The following PMEPA1 variants were observed in gnomAD, a reference collection of about 807,000 sequenced individuals.
The protein encoded by PMEPA1 is prostate transmembrane protein, androgen induced 1.
A neutral mutation model predicts 23.0 loss-of-function variants in PMEPA1; 11 were observed. The ratio of observed to expected loss-of-function variants is 0.48; its 90% CI spans 0.30 to 0.79. The LOEUF is 0.79. Among genes scored for constraint, PMEPA1 ranks in the 30% least tolerant of loss-of-function variants. The probability of loss-of-function intolerance (pLI) is 0.06; values close to 1 mark genes in which losing one functional copy is unlikely to be tolerated. For missense variants in PMEPA1, 377 were observed against 390.9 expected, an observed-to-expected ratio of 0.96 and a Z score of 0.30; for synonymous variants, 204 against 166.4, an observed-to-expected ratio of 1.23 and a Z score of -1.74.
chr20:57,685,206 C>T (rs532823792), intron 1 of PMEPA1, among the ~76,000 whole-genome samples: 48 of 152,270 alleles, frequency 3.2e-4, no homozygotes, highest in South Asian at 2.5e-3. Flanking sequence ...AGTCACTCTC[C>T]TCGCCAGGGT....
Position 57,683,063 on chromosome 20 carries a change from C to T in PMEPA1, c.110-23366G>A, listed in dbSNP as rs1253923002. Among the ~76,000 whole-genome samples the T allele has an allele frequency of 2.6e-5, 4 of 152,204 alleles. No homozygotes were observed. Among genetic ancestry groups the T allele is most frequent in the Admixed American group, 6.5e-5 (1 of 15,280 alleles). On this transcript the variant is annotated intron_variant, in intron 1 of 3. Transcript: ENST00000341744. This position sits in a 1 kb window ranked among gnomAD's most constrained non-coding sequence, Gnocchi z 4.3. ...AGACCTTTTTCAATGTCATCTCTCACGCCGCAGTCTCCGGGGGCATTTACG... is the reference window on the plus strand; with the variant it reads ...AGACCTTTTTCAATGTCATCTCTCATGCCGCAGTCTCCGGGGGCATTTACG...
intron 1 of PMEPA1, among the ~76,000 whole-genome samples, chr20:57,692,762 T>C (rs758948840): frequency 2.0e-5 from 3 of 152,178 alleles, no homozygotes; most frequent in Non-Finnish European, 2.9e-5. Context: ...ATACTCTTCA[T>C]TGTGGAAAGA....
intron 1 of PMEPA1, among the ~76,000 whole-genome samples, chr20:57,698,745 T>C (rs1284009986): frequency 6.6e-6 from 1 of 152,218 alleles, no homozygotes; most frequent in Non-Finnish European, 1.5e-5. Context: ...CGGCTTCACT[T>C]TCCACCTTCT....
chr20:57,672,626 G>T (rs1455759189), intron 1 of PMEPA1, among the ~76,000 whole-genome samples: 1 of 152,174 alleles, frequency 6.6e-6, no homozygotes. Context: ...AGCAAGAGGG[G>T]CCCAGCTATT....
chr20:57,710,650 C>A, upstream of PMEPA1: 1 of 552,492 alleles, frequency 1.8e-6, no homozygotes, highest in South Asian at 2.7e-5. Flanking sequence ...ATTGTCGCCG[C>A]CCCAGCCGGC....
In PMEPA1 at chr20:57,652,023, C is replaced by T. The variant is rs201645714; in HGVS notation, c.*30G>A. On this transcript the variant is annotated 3_prime_UTR_variant, in exon 4 of 4. Coordinates refer to ENST00000341744, the MANE Select transcript of PMEPA1 (RefSeq NM_020182.5). This position sits in a 1 kb window ranked among gnomAD's most constrained non-coding sequence, Gnocchi z 6.1. ...GCGGAGTGTTCTGCCTTTTCACCTACGCAGCCCCAGCCCGGCCCCCCTGGG... is the reference window on the plus strand; with the variant it reads ...GCGGAGTGTTCTGCCTTTTCACCTATGCAGCCCCAGCCCGGCCCCCCTGGG... 2.7e-4 allele frequency: 395 copies of T among 1,449,494 alleles called. 1 individual carries two copies. Among genetic ancestry groups the T allele is most frequent in the Non-Finnish European group, 6.4e-5 (70 of 1,095,704 alleles). 89.8% of individuals were successfully genotyped at this position (1,449,494 alleles called of 1,614,324 possible).
At chr20:57,699,060 A>T (rs2071977933) in intron 1 of PMEPA1, among the ~76,000 whole-genome samples, 3 of 152,206 alleles carry the variant, frequency 2.0e-5, no homozygotes, top group Admixed American at 6.5e-5. Context: ...GGCCCCATGC[A>T]AATTCTGAGC....
intron 1 of PMEPA1, among the ~76,000 whole-genome samples, chr20:57,686,407 T>C (rs1211672197): frequency 1.3e-5 from 2 of 152,130 alleles, no homozygotes; most frequent in African/African-American, 4.8e-5. Context: ...CTGTCTTTCC[T>C]TCCTGTCCTC....
At chr20:57,687,015 C>T (rs747803429) in intron 1 of PMEPA1, among the ~76,000 whole-genome samples, 6 of 152,126 alleles carry the variant, frequency 3.9e-5, no homozygotes, top group Admixed American at 6.5e-5. Context: ...TTTTGGTTTC[C>T]GCACTCTCAT....
intron 1 of PMEPA1, among the ~76,000 whole-genome samples, chr20:57,703,792 G>A (rs939487160): frequency 2.6e-5 from 4 of 152,146 alleles, no homozygotes; most frequent in Admixed American, 6.5e-5. Context: ...TAGGGAACCA[G>A]GCAGAATGGA....
Position 57,651,299 on chromosome 20 carries a change from C to T in PMEPA1, c.*754G>A, listed in dbSNP as rs1040847873. 2 of 152,628 alleles carry T rather than the reference C, an allele frequency of 1.3e-5. No individual in the cohort carries two copies. The highest frequency in any genetic ancestry group is 4.8e-5 in the African/African-American group (2 of 41,450). 9.5% of individuals were successfully genotyped at this position (152,628 alleles called of 1,614,324 possible). On this transcript the variant is annotated 3_prime_UTR_variant, in exon 4 of 4. Transcript: ENST00000341744. Reference sequence around the variant, plus strand: ...GAAAGCCCGCCGCTCCTGGCCAAGGCCTCTCTGCAGACTCCACGGGGGCTC... The same window carrying T: ...GAAAGCCCGCCGCTCCTGGCCAAGGTCTCTCTGCAGACTCCACGGGGGCTC...
upstream of PMEPA1, chr20:57,710,571 G>A: frequency 8.6e-7 from 1 of 1,164,600 alleles, no homozygotes. Flanking sequence ...GGACGACCAG[G>A]AAAGACGGGA....
chr20:57,710,568 C>G (rs903622538), upstream of PMEPA1: 2 of 1,224,094 alleles, frequency 1.6e-6, no homozygotes, highest in African/African-American at 1.6e-5. Flanking sequence ...GGAGGACGAC[C>G]AGGAAAGACG....
In PMEPA1 at chr20:57,652,958, A is replaced by G. The variant is rs1600769770; in HGVS notation, c.318+75T>C. 2 of 1,267,048 alleles carry G rather than the reference A, an allele frequency of 1.6e-6. No homozygotes were observed. The highest frequency in any genetic ancestry group is 2.0e-5 in the Admixed American group (1 of 51,030). The allele number at this position is 1,267,048 out of a possible 1,614,324, so 78.5% of individuals were successfully genotyped here. ...CGGAGGGGTGAGCCTTTAGCAGCCC[A>G]CACTGTTCCAGCCGCAGCGGGAGCA... On this transcript the variant is annotated intron_variant, in intron 3 of 3. Transcript: ENST00000341744. This position sits in a 1 kb window ranked among gnomAD's most constrained non-coding sequence, Gnocchi z 6.1.
intron 1 of PMEPA1, among the ~76,000 whole-genome samples, chr20:57,689,917 G>A (rs1163429493): frequency 6.6e-6 from 1 of 152,164 alleles, no homozygotes; most frequent in Non-Finnish European, 1.5e-5. Flanking sequence ...TGGGGCTGAC[G>A]TGGGTCCCAG....
chr20:57,696,250 C>T (rs1386392635), intron 1 of PMEPA1, among the ~76,000 whole-genome samples: 1 of 152,158 alleles, frequency 6.6e-6, no homozygotes, highest in Non-Finnish European at 1.5e-5. Flanking sequence ...AAGGTGGGCT[C>T]GTCCCTGCCT....
At chr20:57,664,753 C>G (rs990810157) in intron 1 of PMEPA1, among the ~76,000 whole-genome samples, 2 of 152,188 alleles carry the variant, frequency 1.3e-5, no homozygotes, top group African/African-American at 4.8e-5. Context: ...ACCCTGGAGC[C>G]GGCTGTGAAG....
chr20:57,670,803 G>A (rs954750273), intron 1 of PMEPA1, among the ~76,000 whole-genome samples: 7 of 152,188 alleles, frequency 4.6e-5, no homozygotes, highest in African/African-American at 1.2e-4. Flanking sequence ...GGTTAGGGGC[G>A]GGCTGCCTTT....
At chr20:57,654,978 C>T (rs982336852) in intron 2 of PMEPA1, among the ~76,000 whole-genome samples, 4 of 151,820 alleles carry the variant, frequency 2.6e-5, no homozygotes, top group Admixed American at 6.6e-5. Context: ...CTGCTTAAAC[C>T]GTCTGGGCCC....
Sources: allele counts gnomAD v4.1 joint callset (sites outside exome capture counted in the v4.1 genomes callset), GRCh38; gene constraint gnomAD v4.1.1; non-coding constraint Gnocchi (gnomAD v3.1); transcripts MANE v1.5; gene names NCBI Gene and HGNC (gene_info 2026-07-23, HGNC 2026-07-21).